FAM219A: variants seen among roughly 807,000 people sequenced by gnomAD.
FAM219A encodes the protein family with sequence similarity 219 member A.
A neutral mutation model predicts 23.4 loss-of-function variants in FAM219A; 7 were observed. That is an observed-to-expected ratio of 0.30 (90% CI 0.17 to 0.56). The LOEUF (loss-of-function observed/expected upper bound fraction) is 0.56, where lower values mean the gene tolerates loss of function less well. FAM219A is among the 20% of genes least tolerant of loss of function. The pLI is 0.92. For missense variants in FAM219A, 166 were observed against 246.9 expected (o/e 0.67, Z 2.20); for synonymous variants, 93 against 99.0 (o/e 0.94, Z 0.36).
At chr9:34,404,930 G>C (rs975617175) in intron 2 of FAM219A, among the ~76,000 whole-genome samples, 1 of 152,160 alleles carries the variant, frequency 6.6e-6, no homozygotes, top group African/African-American at 2.4e-5. Flanking sequence ...ACAGGCCTCT[G>C]TGGAAAGGAA....
chr9:34,446,116 T>C (rs960402852), intron 1 of FAM219A, among the ~76,000 whole-genome samples: 1 of 146,658 alleles, frequency 6.8e-6, no homozygotes, highest in Non-Finnish European at 1.5e-5. Context: ...GAGGCTGCAG[T>C]GAGCCAAGAT....
intron 1 of FAM219A, among the ~76,000 whole-genome samples, chr9:34,414,239 T>C (rs1821922166): frequency 6.6e-6 from 1 of 152,250 alleles, no homozygotes; most frequent in African/African-American, 2.4e-5. Flanking sequence ...ATATGAGTTA[T>C]CTGGCCAATG....
chr9:34,410,026 C>G (rs1029709994), intron 1 of FAM219A, among the ~76,000 whole-genome samples: 1 of 152,138 alleles, frequency 6.6e-6, no homozygotes, highest in Admixed American at 6.5e-5. Flanking sequence ...ATGAGGAAAC[C>G]TGGGCCGAGA....
intron 2 of FAM219A, among the ~76,000 whole-genome samples, chr9:34,405,190 C>T (rs895608261): frequency 1.3e-5 from 2 of 152,270 alleles, no homozygotes; most frequent in Non-Finnish European, 2.9e-5. Flanking sequence ...AAACTTTGGT[C>T]CCTGAAGGGA....
intron 1 of FAM219A, among the ~76,000 whole-genome samples, chr9:34,456,360 A>G (rs1211720408): frequency 6.6e-6 from 1 of 152,216 alleles, no homozygotes. Context: ...CAGCCAAACC[A>G]CTATTCAGAA....
In FAM219A at chr9:34,400,445, A is replaced by C. The variant is rs956142925; in HGVS notation, c.*519T>G. ...TTCCCATCTGAGGAGGGGGAAATGC[A>C]AATAGAAACATGGGCCGGTAGGGGG... On this transcript the variant is annotated 3_prime_UTR_variant, in exon 6 of 6. Transcript: ENST00000651358. 1 of 152,924 alleles carries C rather than the reference A, an allele frequency of 6.5e-6. No individual in the cohort carries two copies. The highest frequency in any genetic ancestry group is 1.5e-5 in the Non-Finnish European group (1 of 68,446). 9.5% of individuals were successfully genotyped at this position (152,924 alleles called of 1,614,324 possible).
chr9:34,448,173 T>C (rs1025705595), intron 1 of FAM219A, among the ~76,000 whole-genome samples: 18 of 152,228 alleles, frequency 1.2e-4, no homozygotes, highest in African/African-American at 4.1e-4. Context: ...ACCTGGCCCC[T>C]TTATTCATTT....
intron 1 of FAM219A, among the ~76,000 whole-genome samples, chr9:34,434,253 T>C (rs1200863450): frequency 2.7e-5 from 4 of 150,638 alleles, no homozygotes; most frequent in African/African-American, 9.7e-5. Context: ...TCCAGATTCT[T>C]CAGTATCTCT....
intron 1 of FAM219A, among the ~76,000 whole-genome samples, chr9:34,435,819 T>A (rs535546174): frequency 6.6e-6 from 1 of 152,054 alleles, no homozygotes; most frequent in Admixed American, 6.6e-5. Flanking sequence ...ATTGCTTTTT[T>A]TTTTGAGATG....
chr9:34,426,126 G>C (rs6476445), intron 1 of FAM219A, among the ~76,000 whole-genome samples: 111,429 of 152,024 alleles, frequency 0.73, 41,033 homozygotes, highest in Middle Eastern at 0.79. Flanking sequence ...GCCATTCAAG[G>C]AGTATTTTGG....
chr9:34,457,879 G>A lies in FAM219A; in HGVS notation c.60+325C>T, dbSNP rs1823810473. On this transcript the variant is annotated intron_variant, in intron 1 of 5. Coordinates refer to ENST00000651358, the MANE Select transcript of FAM219A (RefSeq NM_001184940.2). This position sits in a 1 kb window ranked among gnomAD's most constrained non-coding sequence, Gnocchi z 5.1. The stretch of plus-strand genomic sequence containing the variant: ...CCAGACCCCTGGGCCTGCCGCCGGC[G>A]GTGCCCCATGGCAGTTCCCTCGCCA... 6.6e-6 allele frequency among the ~76,000 whole-genome samples: 1 copy of A among 152,068 alleles called. No homozygotes were observed. The highest frequency in any genetic ancestry group is 2.4e-5 in the African/African-American group (1 of 41,422).
At chr9:34,449,211 C>T (rs180834089) in intron 1 of FAM219A, among the ~76,000 whole-genome samples, 35 of 152,208 alleles carry the variant, frequency 2.3e-4, no homozygotes, top group South Asian at 8.3e-4. Context: ...TGGTGCACAC[C>T]TGTAGTCCTA....
At chr9:34,403,113 C>T (rs886803548) in intron 2 of FAM219A, among the ~76,000 whole-genome samples, 4 of 152,156 alleles carry the variant, frequency 2.6e-5, no homozygotes, top group Non-Finnish European at 2.9e-5. Context: ...GAGACAATCA[C>T]AGAAGGATGG....
intron 1 of FAM219A, among the ~76,000 whole-genome samples, chr9:34,440,961 C>T (rs554832182): frequency 2.2e-4 from 33 of 152,296 alleles, no homozygotes; most frequent in African/African-American, 7.9e-4. Context: ...GCCTTTAACT[C>T]CTGGGCTCAA....
intron 1 of FAM219A, among the ~76,000 whole-genome samples, chr9:34,416,786 A>G (rs1255652925): frequency 1.4e-5 from 2 of 146,704 alleles, no homozygotes; most frequent in African/African-American, 2.5e-5. Flanking sequence ...TAAAATTAGT[A>G]TCAGAACATA....
intron 1 of FAM219A, among the ~76,000 whole-genome samples, chr9:34,438,217 G>A (rs759088522): frequency 2.6e-5 from 4 of 152,204 alleles, no homozygotes; most frequent in African/African-American, 4.8e-5. Context: ...ACCCCTCCAT[G>A]GGCTCCTGTG....
chr9:34,412,513 A>G (rs1821858867), intron 1 of FAM219A, among the ~76,000 whole-genome samples: 1 of 150,996 alleles, frequency 6.6e-6, no homozygotes, highest in Admixed American at 6.6e-5. Context: ...AGTTGGTAGG[A>G]TTTGAAGTGT....
intron 1 of FAM219A, among the ~76,000 whole-genome samples, chr9:34,413,741 C>T (rs1314502643): frequency 6.6e-6 from 1 of 152,172 alleles, no homozygotes; most frequent in Non-Finnish European, 1.5e-5. Context: ...CGTGCCTGTA[C>T]CTGTTTATTT....
Position 34,457,213 on chromosome 9 carries a change from C to T in FAM219A, c.60+991G>A, listed in dbSNP as rs1588082228. On this transcript the variant is annotated intron_variant, in intron 1 of 5. Transcript: ENST00000651358. This position sits in a 1 kb window ranked among gnomAD's most constrained non-coding sequence, Gnocchi z 5.1. ...AGCGAACACAGCCTAGACATTCCCT[C>T]TCTTCCCCCCTCACTATACGAGCTG... 6.6e-6 allele frequency among the ~76,000 whole-genome samples: 1 copy of T among 152,226 alleles called. No homozygotes were observed. The highest frequency in any genetic ancestry group is 2.4e-5 in the African/African-American group (1 of 41,456).
Sources: gnomAD v4.1 joint callset for allele counts (sites outside exome capture counted in the v4.1 genomes callset) on GRCh38, gnomAD v4.1.1 for gene constraint, Gnocchi (gnomAD v3.1) non-coding constraint, MANE v1.5 for transcripts, NCBI Gene and HGNC (gene_info 2026-07-23, HGNC 2026-07-21) for gene names.